SPIDR: variants seen among roughly 807,000 people sequenced by gnomAD.
SPIDR encodes scaffold protein involved in DNA repair.
Under a neutral mutation model 104.6 loss-of-function variants are expected in SPIDR, and 93 were observed. The ratio of observed to expected loss-of-function variants is 0.89; its 90% CI spans 0.75 to 1.06. The LOEUF (loss-of-function observed/expected upper bound fraction) is 1.06. Among genes scored for constraint, SPIDR ranks in the 50% least tolerant of loss-of-function variants. The pLI, the probability that SPIDR is intolerant of heterozygous loss-of-function variation, is 0.00. For synonymous variants in SPIDR, 431 were observed against 416.9 expected, an observed-to-expected ratio of 1.03 and a Z score of -0.41; for missense variants, 1,154 against 1,111.2, an observed-to-expected ratio of 1.04 and a Z score of -0.55.
rs539388659 is a variant in SPIDR, at chr8:47,723,228, C to T, written c.2342-3972C>T. Among the ~76,000 whole-genome samples, 4 of 152,234 alleles carry T rather than the reference C, an allele frequency of 2.6e-5. No individual in the cohort carries two copies. The South Asian group carries it at 6.2e-4, about 24-fold the overall frequency. On this transcript the variant is annotated intron_variant, in intron 16 of 19. Transcript: ENST00000297423. The stretch of plus-strand genomic sequence containing the variant: ...TGTTTTTTGTTCACTCCGATAGTCT[C>T]TGTCATTTAATTTGTGTATTGAGAC...
intron 1 of SPIDR, among the ~76,000 whole-genome samples, chr8:47,278,467 A>T (rs2037046712): frequency 6.6e-6 from 1 of 152,016 alleles, no homozygotes; most frequent in Admixed American, 6.6e-5. Flanking sequence ...CTACAGGCAC[A>T]TGCCACCATG....
At chr8:47,519,578 T>C (rs2083709841) in intron 8 of SPIDR, among the ~76,000 whole-genome samples, 1 of 152,018 alleles carries the variant, frequency 6.6e-6, no homozygotes, top group Non-Finnish European at 1.5e-5. Context: ...AGACTGGGAG[T>C]TCAGAACTAG....
At chr8:47,484,974 T>G (rs1554729860) in intron 8 of SPIDR, among the ~76,000 whole-genome samples, 1 of 152,148 alleles carries the variant, frequency 6.6e-6, no homozygotes, top group Non-Finnish European at 1.5e-5. Context: ...CGGGTTCATC[T>G]CACTTGGGCT....
chr8:47,396,008 G>A (rs2061202095), intron 5 of SPIDR, among the ~76,000 whole-genome samples: 1 of 152,172 alleles, frequency 6.6e-6, no homozygotes, highest in South Asian at 2.1e-4. Context: ...TTTCTTTCCA[G>A]TAGCTGTCAG....
chr8:47,597,057 G>T (rs1021539191), intron 9 of SPIDR, among the ~76,000 whole-genome samples: 1 of 152,116 alleles, frequency 6.6e-6, no homozygotes, highest in Non-Finnish European at 1.5e-5. Context: ...GTCTAAGGAT[G>T]TTTTACAGAT....
At chr8:47,553,094 C>G (rs1000631389) in intron 8 of SPIDR, among the ~76,000 whole-genome samples, 3 of 152,206 alleles carry the variant, frequency 2.0e-5, no homozygotes, top group African/African-American at 7.2e-5. Context: ...TCGGCCCCCA[C>G]TCTCTTCTGG....
At chr8:47,695,379 TA>T (rs199863766) in intron 11 of SPIDR, among the ~76,000 whole-genome samples, 9 of 149,410 alleles carry the variant, frequency 6.0e-5, no homozygotes, top group East Asian at 2.0e-4. Flanking sequence ...CATGCTTGGT[TA>T]AAAAAAAAAT....
chr8:47,367,406 ACT>A (rs1361984824), intron 5 of SPIDR, among the ~76,000 whole-genome samples: 1 of 152,194 alleles, frequency 6.6e-6, no homozygotes, highest in African/African-American at 2.4e-5. Context: ...TCTTTGTGAC[ACT>A]CTGAGCAGGG....
At chr8:47,316,188 A>C (rs975248682) in intron 5 of SPIDR, among the ~76,000 whole-genome samples, 1 of 152,220 alleles carries the variant, frequency 6.6e-6, no homozygotes, top group Non-Finnish European at 1.5e-5. Context: ...TGGCCAGTGA[A>C]CACATGAAAA....
At chr8:47,459,826 A>G (rs1317352975) in intron 8 of SPIDR, among the ~76,000 whole-genome samples, 1 of 152,024 alleles carries the variant, frequency 6.6e-6, no homozygotes, top group African/African-American at 2.4e-5. Flanking sequence ...GGCTTTTGAT[A>G]GGTTGTGTCA....
chr8:47,634,065 A>T (rs1370500317), intron 10 of SPIDR, among the ~76,000 whole-genome samples: 1 of 151,768 alleles, frequency 6.6e-6, no homozygotes, highest in Admixed American at 6.6e-5. Context: ...ACTGCACCCC[A>T]GCCTGCGTGA....
intron 3 of SPIDR, among the ~76,000 whole-genome samples, chr8:47,289,970 C>G (rs2039598645): frequency 6.6e-6 from 1 of 152,048 alleles, no homozygotes; most frequent in South Asian, 2.1e-4. Flanking sequence ...AGATGAATAT[C>G]TAGGAAATTA....
At chr8:47,670,589 G>A (rs1463011200) in intron 10 of SPIDR, among the ~76,000 whole-genome samples, 1 of 152,004 alleles carries the variant, frequency 6.6e-6, no homozygotes, top group Non-Finnish European at 1.5e-5. Context: ...CTAGTGATTA[G>A]GAGGTTATAT....
At chr8:47,317,877 A>G (rs1260148958) in intron 5 of SPIDR, among the ~76,000 whole-genome samples, 6 of 152,332 alleles carry the variant, frequency 3.9e-5, no homozygotes, top group East Asian at 1.9e-4. Context: ...CAGACCTGCA[A>G]CTGAGGGTCC....
At chr8:47,467,214 A>AGG (rs1446793611) in intron 8 of SPIDR, among the ~76,000 whole-genome samples, 5 of 152,160 alleles carry the variant, frequency 3.3e-5, no homozygotes, top group African/African-American at 7.2e-5. Context: ...AAATCGAGTC[A>AGG]GTAATAAATA....
At chr8:47,654,115 G>A (rs1373471785) in intron 10 of SPIDR, 1 of 1,289,712 alleles carries the variant, frequency 7.8e-7, no homozygotes, top group Admixed American at 2.3e-5. Flanking sequence ...AGGCATGCAG[G>A]AGCCATTGGG....
intron 6 of SPIDR, among the ~76,000 whole-genome samples, chr8:47,399,838 T>G (rs2061650730): frequency 6.6e-6 from 1 of 152,112 alleles, no homozygotes; most frequent in African/African-American, 2.4e-5. Flanking sequence ...GATTGAGGAC[T>G]GGGGAAAAGG....
intron 1 of SPIDR, among the ~76,000 whole-genome samples, chr8:47,262,321 T>C (rs2032657174): frequency 6.6e-6 from 1 of 151,478 alleles, no homozygotes; most frequent in Admixed American, 6.6e-5. Context: ...TTCAAGACTC[T>C]TTTTTTTTAC....
At position 47,300,787 on chromosome 8, in the gene SPIDR, G is replaced by GTT. The variant is rs2041939132; in HGVS notation, c.525+6759_525+6760dup. 3.3e-5 allele frequency among the ~76,000 whole-genome samples: 5 copies of GTT among 152,182 alleles called. 1 individual carries two copies. The South Asian group carries it at 1.0e-3, about 32-fold the overall frequency. ...GTGAGTTTCTTAATCCTGAGTTCTA[G>GTT]TTTGATTGCACTGTGGTCTGAGAGA... On this transcript the variant is annotated intron_variant, in intron 5 of 19. Transcript: ENST00000297423.
Sources: allele counts gnomAD v4.1 joint callset (sites outside exome capture counted in the v4.1 genomes callset), GRCh38; gene constraint gnomAD v4.1.1; transcripts MANE v1.5; gene names NCBI Gene and HGNC (gene_info 2026-07-23, HGNC 2026-07-21).